The following FTSJ1 variants were observed in gnomAD, a reference collection of about 807,000 sequenced individuals.
FTSJ1 encodes FtsJ RNA 2'-O-methyltransferase 1.
Under a neutral mutation model 28.5 loss-of-function variants are expected in FTSJ1, and 3 were observed. The ratio of observed to expected loss-of-function variants is 0.11; its 90% CI spans 0.05 to 0.27. The LOEUF is 0.27. Ranked by LOEUF, FTSJ1 falls within the 10% of genes least tolerant of loss-of-function variation. The pLI is 1.00. For missense variants in FTSJ1, 162 were observed against 279.0 expected (o/e 0.58, Z 2.99); for synonymous variants, 104 against 113.9 (o/e 0.91, Z 0.55).
intron 10 of FTSJ1, 32 bp downstream of exon 10, chrX:48,482,538 A>AG: frequency 2.5e-6 from 3 of 1,179,724 alleles, no homozygotes; most frequent in Non-Finnish European, 3.5e-6. Context: ...GGTGGGTGGG[A>AG]GGGAGGCTGT....
At position 48,478,229 on chromosome X, in the gene FTSJ1, G is replaced by T. The variant is rs1200837609; in HGVS notation, c.121+61G>T. On this transcript the variant is annotated intron_variant, in intron 2 of 12. Coordinates refer to ENST00000348411, the MANE Select transcript of FTSJ1 (RefSeq NM_012280.4). ...GTGGGCACAGGAGGTAAACAAGTAGGCTGGGTCTGCAGAGCTCCCTGTGGT... is the reference window on the plus strand; with the variant it reads ...GTGGGCACAGGAGGTAAACAAGTAGTCTGGGTCTGCAGAGCTCCCTGTGGT... 11 of 1,089,659 alleles carry T rather than the reference G, an allele frequency of 1.0e-5. No homozygotes were observed. The Admixed American group carries it at 2.4e-4, about 24-fold the overall frequency. The allele number at this position is 1,089,659 out of a possible 1,213,427, so 89.8% of individuals were successfully genotyped here.
chrX:48,481,800 C>G, intron 9 of FTSJ1, 85 bp downstream of exon 9: 1 of 629,166 alleles, frequency 1.6e-6, no homozygotes, highest in East Asian at 3.5e-5. Flanking sequence ...AGTCTCACCC[C>G]CTGGGGGAGG....
chrX:48,484,893 T>C (rs2061592378), intron 12 of FTSJ1, among the ~76,000 whole-genome samples: 1 of 111,928 alleles, frequency 8.9e-6, no homozygotes, highest in Admixed American at 9.5e-5. Flanking sequence ...TATGCAGCAA[T>C]TGAAAGCCTC....
chrX:48,486,050 GA>G lies in FTSJ1; in HGVS notation c.*328del, dbSNP rs1348369539. 6.0e-4 allele frequency: 67 copies of G among 112,393 alleles called. No homozygotes were observed. Among genetic ancestry groups the G allele is most frequent in the African/African-American group, 1.9e-3 (60 of 30,974 alleles). 9.3% of individuals were successfully genotyped at this position (112,393 alleles called of 1,213,427 possible). ...AGGGGTAACCATGAACTTGATGGAAGAAAATGTTACATCTTTATTTTCAGCA... is the reference window on the plus strand; with the variant it reads ...AGGGGTAACCATGAACTTGATGGAAGAAATGTTACATCTTTATTTTCAGCA... On this transcript the variant is annotated 3_prime_UTR_variant, in exon 13 of 13. Transcript: ENST00000348411.
At chrX:48,484,931 T>C (rs2061592538) in intron 12 of FTSJ1, among the ~76,000 whole-genome samples, 2 of 111,738 alleles carry the variant, frequency 1.8e-5, no homozygotes, top group African/African-American at 6.5e-5. Flanking sequence ...GGTAAAATGG[T>C]GCAGCCACTG....
chrX:48,478,236 C>G, intron 2 of FTSJ1, 68 bp downstream of exon 2: 1 of 1,045,619 alleles, frequency 9.6e-7, no homozygotes, highest in Non-Finnish European at 1.3e-6. Flanking sequence ...TAGGCTGGGT[C>G]TGCAGAGCTC....
chrX:48,479,976 T>C (rs1556967965), intron 5 of FTSJ1, among the ~76,000 whole-genome samples: 1 of 111,478 alleles, frequency 9.0e-6, no homozygotes, highest in African/African-American at 3.3e-5. Context: ...AAACCCCATC[T>C]CTACTAAAAA....
In FTSJ1 at chrX:48,478,683, A is replaced by G. The variant is rs781980043; in HGVS notation, c.258A>G (p.Val86=). The G allele has an allele frequency of 1.2e-5, 14 of 1,202,935 alleles. No homozygotes were observed. In the East Asian group the frequency reaches 4.2e-4, roughly 36 times the overall value. Residue 86 remains valine (V), a synonymous_variant, in exon 4 of 13, where the codon GTA becomes GTG. Transcript: ENST00000348411. ...LQAMAPLPGV[V]QIQGDITQLS... ...CTATGGCTCCACTACCAGGTGTGGT[A>G]CAGATCCAGGGGGACATCACCCAGG... is the stretch of plus-strand genomic sequence containing the variant.
chrX:48,480,543 A>G (rs1173681936), intron 5 of FTSJ1, among the ~76,000 whole-genome samples: 1 of 107,430 alleles, frequency 9.3e-6, no homozygotes, highest in Non-Finnish European at 1.9e-5. Context: ...AAACCATGAG[A>G]GGGTTGTGAG....
At chrX:48,479,317 A>G (rs1199288262) in intron 5 of FTSJ1, among the ~76,000 whole-genome samples, 1 of 110,314 alleles carries the variant, frequency 9.1e-6, no homozygotes, top group East Asian at 2.8e-4. Flanking sequence ...TCCCACTTGC[A>G]CCCCACCCTT....
intron 5 of FTSJ1, 52 bp from the exon 6 acceptor site, chrX:48,481,099 A>G: frequency 9.6e-7 from 1 of 1,039,279 alleles, no homozygotes; most frequent in Non-Finnish European, 1.4e-6. Flanking sequence ...GTGGTACAAG[A>G]AGATGCACAG....
chrX:48,484,078 T>C (rs1253690609), intron 12 of FTSJ1, among the ~76,000 whole-genome samples: 2 of 110,463 alleles, frequency 1.8e-5, no homozygotes, highest in Middle Eastern at 4.6e-3. Flanking sequence ...GCCACCTTTT[T>C]TTTTTTCTTG....
At chrX:48,478,353 G>C in intron 2 of FTSJ1, 96 bp from the exon 3 acceptor site, 1 of 906,500 alleles carries the variant, frequency 1.1e-6, no homozygotes, top group South Asian at 2.1e-5. Context: ...GGAGATATGT[G>C]GGTGCTCCCC....
In FTSJ1 at chrX:48,479,008, TG is replaced by T. The variant is rs1346678454; in HGVS notation, c.283-26del. On this transcript the variant is annotated intron_variant, in intron 4 of 12. Coordinates refer to ENST00000348411, the MANE Select transcript of FTSJ1 (RefSeq NM_012280.4). ...ATCTGAGGGCAGCAGTGGAGGGCCG[TG>T]GGGCCACTCATCCTCCCTCTCTCCA... 13 of 1,097,517 alleles carry T rather than the reference TG, an allele frequency of 1.2e-5. No individual in the cohort carries two copies. In the African/African-American group the frequency reaches 2.4e-4, roughly 20 times the overall value. 90.4% of individuals were successfully genotyped at this position (1,097,517 alleles called of 1,213,427 possible).
chrX:48,479,155 CCT>C, intron 5 of FTSJ1, 39 bp downstream of exon 5: 1 of 912,450 alleles, frequency 1.1e-6, no homozygotes, highest in Non-Finnish European at 1.6e-6. Flanking sequence ...GGCGGGGCCC[CCT>C]GTGTGTGTCC....
intron 12 of FTSJ1, among the ~76,000 whole-genome samples, chrX:48,483,606 C>T (rs1335280719): frequency 1.8e-5 from 2 of 110,683 alleles, no homozygotes; most frequent in African/African-American, 6.6e-5. Flanking sequence ...CCACCTCAGC[C>T]TCTCAAGTAG....
Position 48,482,398 on chromosome X carries a change from C to T in FTSJ1, c.656-5C>T. 1 of 1,186,768 alleles carries T rather than the reference C, an allele frequency of 8.4e-7. No individual in the cohort carries two copies. The highest frequency in any genetic ancestry group is 1.1e-6 in the Non-Finnish European group (1 of 874,110). On this transcript the variant is annotated splice_region_variant and splice_polypyrimidine_tract_variant and intron_variant, in intron 9 of 12. Transcript: ENST00000348411. ...TGTCCTCAGTTGTCTCCCCCTGTTC[C>T]TAAGACCCAGATTTCAACCAGCTGG...
chrX:48,480,421 G>A (rs574701509), intron 5 of FTSJ1, among the ~76,000 whole-genome samples: 2 of 110,664 alleles, frequency 1.8e-5, no homozygotes, highest in African/African-American at 6.6e-5. Flanking sequence ...CAGAGTGAGG[G>A]GGGGAGAGTG....
At chrX:48,478,936 A>T in intron 4 of FTSJ1, 102 bp from the exon 5 acceptor site, 4 of 667,422 alleles carry the variant, frequency 6.0e-6, no homozygotes, top group Non-Finnish European at 9.7e-6. Flanking sequence ...AAAGCCTGGG[A>T]ATTTGGCTGA....
Sources: allele counts gnomAD v4.1 joint callset (sites outside exome capture counted in the v4.1 genomes callset), GRCh38; gene constraint gnomAD v4.1.1; transcripts MANE v1.5; gene names NCBI Gene and HGNC (gene_info 2026-07-23, HGNC 2026-07-21).